SPC24: variants seen among roughly 807,000 people sequenced by gnomAD.
SPC24 encodes SPC24 component of NDC80 kinetochore complex, also known as kinetochore protein Spc24.
SPC24 carries 31 observed loss-of-function variants against 27.6 expected under a neutral mutation model. The observed-to-expected ratio is 1.12, with a 90% confidence interval of 0.84 to 1.52. The LOEUF (loss-of-function observed/expected upper bound fraction) is 1.52. SPC24 is among the 40% of genes most tolerant of loss of function. The pLI is 0.00. For missense variants in SPC24, 284 were observed against 252.5 expected (o/e 1.12, Z -0.84); for synonymous variants, 105 against 105.8 (o/e 0.99, Z 0.05).
chr19:11,147,498 C>T, intron 4 of SPC24: 1 of 573,610 alleles, frequency 1.7e-6, no homozygotes. Flanking sequence ...GTAGCTGGGA[C>T]TACAGGCATA....
rs770061574 is a variant in SPC24, at chr19:11,150,185, CAAAAAA to C, written c.161-953_161-948del. 7.5e-3 allele frequency among the ~76,000 whole-genome samples: 243 copies of C among 32,268 alleles called. 1 individual carries two copies. The highest frequency in any genetic ancestry group is 0.029 in the African/African-American group (229 of 7,776). 21.2% of individuals were successfully genotyped at this position (32,268 alleles called of 152,430 possible). On this transcript the variant is annotated intron_variant, in intron 1 of 4. Coordinates refer to ENST00000592540, the MANE Select transcript of SPC24 (RefSeq NM_182513.4). ...CTAGGGGGCTGAGGAAACTCCATCT[CAAAAAA>C]AAAAAAAAAAAAAAAAAGGCTAGGT...
intron 1 of SPC24, 131 bp downstream of exon 1, chr19:11,155,486 C>G (rs1431748384): frequency 3.6e-6 from 4 of 1,099,412 alleles, no homozygotes; most frequent in Non-Finnish European, 5.0e-6. Flanking sequence ...TCAGAGGGGG[C>G]CGTCCCAGGG....
In SPC24 at chr19:11,155,608, G is replaced by C. The variant is rs1415292463; in HGVS notation, c.160+9C>G. ...CCCCGTGGGCCCGCGACCACGCTCC[G>C]ACCCTCACCTCGCAGCTGCTTCTCG... On this transcript the variant is annotated intron_variant, in intron 1 of 4. Coordinates refer to ENST00000592540, the MANE Select transcript of SPC24 (RefSeq NM_182513.4). 9 of 1,539,280 alleles carry C rather than the reference G, an allele frequency of 5.8e-6. No individual in the cohort carries two copies. In the South Asian group the frequency reaches 1.1e-4, roughly 18 times the overall value.
intron 1 of SPC24, 25 bp downstream of exon 1, chr19:11,155,592 C>T (rs374560262): frequency 1.2e-4 from 178 of 1,529,910 alleles, no homozygotes; most frequent in Admixed American, 1.2e-4. Flanking sequence ...CCCCCGTGGG[C>T]CCGCGACCAC....
In SPC24 at chr19:11,151,898, G is replaced by A. The variant is rs541635655; in HGVS notation, c.161-2660C>T. On this transcript the variant is annotated intron_variant, in intron 1 of 4. Transcript: ENST00000592540. ...GCTGGGATTACAGGTGTGAGCCACC[G>A]CACCAGGCCTTTTTTTTTTTTTAAA... Among the ~76,000 whole-genome samples the A allele has an allele frequency of 4.9e-3, 716 of 146,468 alleles. 2 individuals are homozygous for A. Among genetic ancestry groups the A allele is most frequent in the Middle Eastern group, 0.011 (3 of 262 alleles).
rs573203257 is a variant in SPC24, at chr19:11,152,333, C to T, written c.161-3095G>A. ...CAAGCAATTCTCCTGTCTCAGCCTCCCGAGTAGCTGGGATTACAGGCATGC... is the reference window on the plus strand; with the variant it reads ...CAAGCAATTCTCCTGTCTCAGCCTCTCGAGTAGCTGGGATTACAGGCATGC... On this transcript the variant is annotated intron_variant, in intron 1 of 4. Coordinates refer to ENST00000592540, the MANE Select transcript of SPC24 (RefSeq NM_182513.4). Among the ~76,000 whole-genome samples, 9 of 152,270 alleles carry T rather than the reference C, an allele frequency of 5.9e-5. No individual in the cohort carries two copies. The South Asian group carries it at 1.9e-3, about 32-fold the overall frequency.
chr19:11,149,758 T>C (rs1331200142), intron 1 of SPC24, among the ~76,000 whole-genome samples: 1 of 150,736 alleles, frequency 6.6e-6, no homozygotes, highest in African/African-American at 2.4e-5. Context: ...TTGCCCAGGC[T>C]AGAGTGCAGT....
chr19:11,155,702 C>T lies in SPC24; in HGVS notation c.75G>A (p.Ala25=). ...GGCGCCCCAGCAGCCGTCGCTGCTG[C>T]GCCTCCGCGCGGTTGGCGCCCAGCA... ...LSLLGANRAE[A]QQRRLLGRHE... Residue 25 remains alanine, a synonymous_variant, in exon 1 of 5, where the codon GCG becomes GCA. Coordinates refer to ENST00000592540, the MANE Select transcript of SPC24 (RefSeq NM_182513.4). 6.4e-7 allele frequency: 1 copy of T among 1,570,898 alleles called. No homozygotes were observed. Among genetic ancestry groups the T allele is most frequent in the South Asian group, 1.1e-5 (1 of 87,124 alleles).
At chr19:11,153,909 A>T (rs1362319609) in intron 1 of SPC24, among the ~76,000 whole-genome samples, 3 of 73,732 alleles carry the variant, frequency 4.1e-5, no homozygotes, top group Non-Finnish European at 1.1e-4. Flanking sequence ...CTACTAAAAA[A>T]ATATATATAA....
chr19:11,147,383 CAA>C (rs2077834841), intron 4 of SPC24, 94 bp from the exon 5 acceptor site: 4 of 828,956 alleles, frequency 4.8e-6, no homozygotes, highest in African/African-American at 1.8e-5. Flanking sequence ...TTTTTTGAGA[CAA>C]AGTTTCATTC....
At chr19:11,153,296 A>G (rs1249553448) in intron 1 of SPC24, among the ~76,000 whole-genome samples, 2 of 150,742 alleles carry the variant, frequency 1.3e-5, no homozygotes, top group Non-Finnish European at 3.0e-5. Flanking sequence ...AAAATACAAA[A>G]AAAAAATTAG....
chr19:11,155,110 C>T (rs1394897658), intron 1 of SPC24, among the ~76,000 whole-genome samples: 1 of 152,062 alleles, frequency 6.6e-6, no homozygotes, highest in South Asian at 2.1e-4. Context: ...AGCTTGAACC[C>T]GGGAGGTGGA....
rs1029708473 is a variant in SPC24 at position 11,147,855 on chromosome 19, C to T, written c.450G>A (p.Glu150=). The T allele has an allele frequency of 1.9e-6, 3 of 1,608,444 alleles. No individual in the cohort carries two copies. ...TCCCTGGCTCACACTCATAATCCCA[C>T]TCAATTTTACTAACTTGGTGGTAAA... ...AQLYHQVSKI[E]WDYECEPGMV... is the part of the protein sequence containing the mutation. Residue 150 remains glutamate (E), a synonymous_variant, in exon 4 of 5, where the codon GAG becomes GAA. Transcript: ENST00000592540.
At chr19:11,147,429 C>A (rs966745184) in intron 4 of SPC24, 140 bp from the exon 5 acceptor site, 5 of 606,676 alleles carry the variant, frequency 8.2e-6, no homozygotes, top group Non-Finnish European at 1.4e-5. Flanking sequence ...GGTGCGATCT[C>A]GGCTCATTGC....
Position 11,155,558 on chromosome 19 carries a change from C to A in SPC24, c.160+59G>T, listed in dbSNP as rs1468696968. On this transcript the variant is annotated intron_variant, in intron 1 of 4. Coordinates refer to ENST00000592540, the MANE Select transcript of SPC24 (RefSeq NM_182513.4). ...GGGGTTTTGAGGTGGGCCTGGTCGC[C>A]CCCTCCCAGCACCCGGGCCCCTTCC... 11 of 1,501,470 alleles carry A rather than the reference C, an allele frequency of 7.3e-6. No individual in the cohort carries two copies. The Admixed American group carries it at 2.4e-4, about 32-fold the overall frequency. 93.0% of individuals were successfully genotyped at this position (1,501,470 alleles called of 1,614,324 possible).
chr19:11,155,527 A>G, intron 1 of SPC24, 90 bp downstream of exon 1: 1 of 1,414,578 alleles, frequency 7.1e-7, no homozygotes, highest in Non-Finnish European at 9.4e-7. Context: ...AGAGTCCAGG[A>G]GAGAAGGGGT....
intron 1 of SPC24, among the ~76,000 whole-genome samples, chr19:11,151,907 C>CTT (rs34224957): frequency 5.6e-5 from 8 of 143,382 alleles, no homozygotes; most frequent in South Asian, 2.3e-4. Flanking sequence ...CGCACCAGGC[C>CTT]TTTTTTTTTT....
chr19:11,147,962 G>A (rs8111157), intron 3 of SPC24, 51 bp downstream of exon 3: 153,952 of 1,590,812 alleles, frequency 0.097, 8,913 homozygotes, highest in African/African-American at 0.27. Context: ...TCAACCAAGA[G>A]CCGGACTGCA....
chr19:11,147,681 A>T, intron 4 of SPC24, 137 bp downstream of exon 4: 1 of 766,658 alleles, frequency 1.3e-6, no homozygotes, highest in Non-Finnish European at 2.2e-6. Context: ...TGATCCTCCC[A>T]CCTCAGCCTC....
Sources: gnomAD v4.1 joint callset for allele counts (sites outside exome capture counted in the v4.1 genomes callset) on GRCh38, gnomAD v4.1.1 for gene constraint, MANE v1.5 for transcripts, NCBI Gene and HGNC (gene_info 2026-07-23, HGNC 2026-07-21) for gene names.